ADAMTSL1: variants seen among roughly 807,000 people sequenced by gnomAD.
ADAMTSL1 encodes the protein ADAMTS like 1, also known as ADAMTS-like protein 1.
In ADAMTSL1, 126 loss-of-function variants were observed where a neutral mutation model predicts 201.8. That is an observed-to-expected ratio of 0.62 (90% CI 0.54 to 0.72). The LOEUF (loss-of-function observed/expected upper bound fraction) is 0.72, where lower values mean the gene tolerates loss of function less well. Among genes scored for constraint, ADAMTSL1 ranks in the 30% least tolerant of loss-of-function variants. The pLI is 0.00. For synonymous variants in ADAMTSL1, 1,121 were observed against 903.4 expected (o/e 1.24, Z -4.32); for missense variants, 2,679 against 2,277.8 (o/e 1.18, Z -3.59).
chr9:18,730,046 G>A (rs1241205271), intron 15 of ADAMTSL1, among the ~76,000 whole-genome samples: 1 of 151,584 alleles, frequency 6.6e-6, no homozygotes, highest in South Asian at 2.1e-4. Context: ...TTTTTTCTAA[G>A]TTTTTTGCTT....
chr9:18,549,798 A>G (rs956798512), intron 3 of ADAMTSL1, among the ~76,000 whole-genome samples: 30 of 152,096 alleles, frequency 2.0e-4, no homozygotes, highest in Admixed American at 1.4e-3. Context: ...CAACGAGTCT[A>G]TGTGCCCTAA....
intron 26 of ADAMTSL1, among the ~76,000 whole-genome samples, chr9:18,897,212 T>C (rs2131586326): frequency 6.6e-6 from 1 of 152,326 alleles, no homozygotes; most frequent in Admixed American, 6.5e-5. Context: ...CTAACAGATG[T>C]CTGATCTCTC....
At chr9:18,289,701 CT>C (rs1833173946) in intron 2 of ADAMTSL1, among the ~76,000 whole-genome samples, 1 of 152,194 alleles carries the variant, frequency 6.6e-6, no homozygotes, top group Non-Finnish European at 1.5e-5. Flanking sequence ...ACAAAATGAT[CT>C]TTTTCCTGAG....
In ADAMTSL1 at chr9:18,064,954, A is replaced by ATTT. The variant is rs563021690; in HGVS notation, c.88-98876_88-98874dup. Among the ~76,000 whole-genome samples, 471 of 68,992 alleles carry ATTT rather than the reference A, an allele frequency of 6.8e-3. 15 individuals are homozygous for ATTT. The highest frequency in any genetic ancestry group is 9.1e-3 in the East Asian group (19 of 2,080). 45.3% of individuals were successfully genotyped at this position (68,992 alleles called of 152,430 possible). ...ATTCAGAAAGCAGTATTTGCTAAAG[A>ATTT]TTTTTTTTTTTTTTTTTTTTTTTTT... is the stretch of plus-strand genomic sequence containing the variant. On this transcript the variant is annotated intron_variant, in intron 1 of 29. Coordinates refer to the ADAMTSL1 transcript ENST00000680146.
At chr9:18,652,365 C>CAA (rs34900718) in intron 7 of ADAMTSL1, among the ~76,000 whole-genome samples, 3 of 94,958 alleles carry the variant, frequency 3.2e-5, no homozygotes, top group African/African-American at 4.2e-5. Context: ...AACTCCATCT[C>CAA]AAAAAAAAAA....
At chr9:18,734,946 G>A (rs139368808) in intron 15 of ADAMTSL1, among the ~76,000 whole-genome samples, 2 of 152,230 alleles carry the variant, frequency 1.3e-5, no homozygotes, top group East Asian at 3.9e-4. Context: ...CAGTGACCAG[G>A]AAGCTGATAG....
intron 2 of ADAMTSL1, among the ~76,000 whole-genome samples, chr9:18,456,679 G>A (rs1820619189): frequency 6.6e-6 from 1 of 152,014 alleles, no homozygotes; most frequent in African/African-American, 2.4e-5. Context: ...TTTTAAATAA[G>A]GACTAATTAA....
intron 4 of ADAMTSL1, among the ~76,000 whole-genome samples, chr9:18,593,652 G>A (rs1008702339): frequency 6.6e-6 from 1 of 151,830 alleles, no homozygotes; most frequent in African/African-American, 2.4e-5. Context: ...TCTTCTTAAT[G>A]TATTCATTCA....
At chr9:18,571,403 C>G (rs1053646780) in intron 3 of ADAMTSL1, among the ~76,000 whole-genome samples, 1 of 152,256 alleles carries the variant, frequency 6.6e-6, no homozygotes, top group East Asian at 1.9e-4. Context: ...CAATGTTCTG[C>G]TTTATTGTAT....
intron 2 of ADAMTSL1, among the ~76,000 whole-genome samples, chr9:18,464,825 T>C (rs1820939804): frequency 6.6e-6 from 1 of 152,034 alleles, no homozygotes; most frequent in African/African-American, 2.4e-5. Flanking sequence ...AGTGGGAAAA[T>C]AAAAATCAAG....
chr9:18,693,927 A>G lies in ADAMTSL1; in HGVS notation c.1574+9127A>G, dbSNP rs1831390921. The stretch of plus-strand genomic sequence containing the variant: ...TGTAAAGAGCTGTCTGAGACTTGGC[A>G]ATTTATAAGTAAAAGAGGTTTCATT... On this transcript the variant is annotated intron_variant, in intron 13 of 28. Coordinates refer to ENST00000380548, the MANE Select transcript of ADAMTSL1 (RefSeq NM_001040272.6). Among the ~76,000 whole-genome samples the G allele has an allele frequency of 2.0e-5, 3 of 152,184 alleles. No individual in the cohort carries two copies. In the South Asian group the frequency reaches 6.2e-4, roughly 31 times the overall value.
chr9:18,890,714 T>C (rs1829197031), intron 25 of ADAMTSL1: 1 of 376,886 alleles, frequency 2.7e-6, no homozygotes. Flanking sequence ...GCCCGCTCCT[T>C]TCTCAAACCC....
intron 15 of ADAMTSL1, chr9:18,722,954 G>A: frequency 1.3e-6 from 1 of 750,816 alleles, no homozygotes; most frequent in Admixed American, 1.8e-5. Flanking sequence ...TAGTTGTTGA[G>A]CCTAAATGTG....
chr9:18,807,089 A>G (rs1823180256), intron 20 of ADAMTSL1, among the ~76,000 whole-genome samples: 2 of 152,148 alleles, frequency 1.3e-5, no homozygotes, highest in Non-Finnish European at 2.9e-5. Flanking sequence ...GTGTCTGACT[A>G]TCTTGGAGGG....
intron 26 of ADAMTSL1, among the ~76,000 whole-genome samples, chr9:18,903,272 G>A (rs1049578560): frequency 1.3e-5 from 2 of 152,138 alleles, no homozygotes; most frequent in African/African-American, 4.8e-5. Flanking sequence ...ATCATGGTAT[G>A]TTCATAAAAT....
intron 2 of ADAMTSL1, among the ~76,000 whole-genome samples, chr9:18,184,828 A>C (rs1468918759): frequency 3.3e-5 from 5 of 152,218 alleles, no homozygotes; most frequent in Non-Finnish European, 7.3e-5. Flanking sequence ...TACCTGGACT[A>C]TTCAGAACAT....
chr9:18,729,909 A>T (rs1178882932), intron 15 of ADAMTSL1, among the ~76,000 whole-genome samples: 2 of 152,248 alleles, frequency 1.3e-5, no homozygotes, highest in Non-Finnish European at 2.9e-5. Flanking sequence ...GAGAATGGAA[A>T]TATCACCAGC....
At chr9:18,659,705 T>G (rs1001395098) in intron 8 of ADAMTSL1, among the ~76,000 whole-genome samples, 2 of 152,102 alleles carry the variant, frequency 1.3e-5, no homozygotes, top group African/African-American at 2.4e-5. Flanking sequence ...AGGCAGAGGT[T>G]GCAGTGAGCC....
Position 18,058,886 on chromosome 9 carries a change from C to T in ADAMTSL1, c.88-104976C>T, listed in dbSNP as rs532628601. On this transcript the variant is annotated intron_variant, in intron 1 of 29. Transcript: ENST00000680146. The stretch of plus-strand genomic sequence containing the variant: ...GCCAGTTTAAGTTTCTAACAAACTG[C>T]TCTGCCAGTCCCACATGAGCTTCTA... Among the ~76,000 whole-genome samples, 17 of 152,304 alleles carry T rather than the reference C, an allele frequency of 1.1e-4. No individual in the cohort carries two copies. In the South Asian group the frequency reaches 2.3e-3, roughly 20 times the overall value.
Sources: allele counts gnomAD v4.1 joint callset (sites outside exome capture counted in the v4.1 genomes callset), GRCh38; gene constraint gnomAD v4.1.1; transcripts MANE v1.5; gene names NCBI Gene and HGNC (gene_info 2026-07-23, HGNC 2026-07-21).